Variants in CCDC88C observed in about 807,000 individuals in gnomAD.
CCDC88C encodes the protein coiled-coil and HOOK domain protein 88C.
A neutral mutation model predicts 198.8 loss-of-function variants in CCDC88C; 131 were observed. The observed-to-expected ratio is 0.66, with a 90% CI of 0.57 to 0.76. CCDC88C has a LOEUF of 0.76. CCDC88C is among the 30% of genes least tolerant of loss of function. CCDC88C has a pLI of 0.00. For synonymous variants in CCDC88C, 1,166 were observed against 1,114.7 expected, an observed-to-expected ratio of 1.05 and a Z score of -0.92; for missense variants, 2,553 against 2,631.6, an observed-to-expected ratio of 0.97 and a Z score of 0.65.
intron 3 of CCDC88C, among the ~76,000 whole-genome samples, chr14:91,366,652 C>T (rs1894557146): frequency 6.6e-6 from 1 of 152,180 alleles, no homozygotes; most frequent in Non-Finnish European, 1.5e-5. Context: ...AAAAAGCAAG[C>T]TGCACCTTCA....
chr14:91,277,964 C>T lies in CCDC88C; in HGVS notation c.5016G>A (p.Leu1672=), dbSNP rs538549863. 2 of 1,549,750 alleles carry T rather than the reference C, an allele frequency of 1.3e-6. No individual in the cohort carries two copies. The highest frequency in any genetic ancestry group is 1.8e-6 in the Non-Finnish European group (2 of 1,142,840). Residue 1672 remains leucine (L), a synonymous_variant, in exon 29 of 30, where the codon TTG becomes TTA. Transcript: ENST00000389857. ...GGTTGCTCTCCTCCAGGAACTCCTC[C>T]AAGGTGACCATCTCACTGCTGGGGG... is the stretch of plus-strand genomic sequence containing the variant. The part of the protein sequence containing the change: ...SASPSSEMVT[L]EEFLEESNRS...
intron 21 of CCDC88C, among the ~76,000 whole-genome samples, chr14:91,299,304 A>G (rs1318770409): frequency 2.0e-5 from 3 of 152,194 alleles, no homozygotes; most frequent in African/African-American, 7.2e-5. Flanking sequence ...GCACTTCAGT[A>G]CTACAATTGT....
chr14:91,338,269 G>A lies in CCDC88C; in HGVS notation c.892-106C>T. ...GTGTCTCCACGACGGCCCAGGACAA[G>A]CCAGCTCCTGGTGGCCGGGGGCCTC... On this transcript the variant is annotated intron_variant, in intron 9 of 29. Transcript: ENST00000389857. The surrounding 1 kb of genome is among the most constrained non-coding windows in gnomAD (Gnocchi z 4.8). The A allele has an allele frequency of 7.1e-7, 1 of 1,400,198 alleles. No individual in the cohort carries two copies. The highest frequency in any genetic ancestry group is 1.4e-5 in the African/African-American group (1 of 70,496). 86.7% of individuals were successfully genotyped at this position (1,400,198 alleles called of 1,614,324 possible). A position where few individuals can be genotyped will look rare whatever the true frequency, so the allele number is the denominator to read the frequency against.
intron 4 of CCDC88C, among the ~76,000 whole-genome samples, chr14:91,354,811 G>A (rs1263084582): frequency 1.3e-5 from 2 of 152,226 alleles, no homozygotes; most frequent in Non-Finnish European, 2.9e-5. Context: ...CTGCTGTCAT[G>A]AGAGCGTGCA....
rs953036718 is a variant in CCDC88C, at chr14:91,294,049, C to T, written c.4112+124G>A. 4.7e-6 allele frequency: 5 copies of T among 1,053,686 alleles called. No homozygotes were observed. The Admixed American group carries it at 5.8e-5, about 12-fold the overall frequency. The allele number at this position is 1,053,686 out of a possible 1,614,324, so 65.3% of individuals were successfully genotyped here. ...GTCCGTGCTGGTGATCGGTCTGTGC[C>T]CTGCCCTCAGGATCCCAACGGGCCC... On this transcript the variant is annotated intron_variant, in intron 23 of 29. Coordinates refer to ENST00000389857, the MANE Select transcript of CCDC88C (RefSeq NM_001080414.4).
chr14:91,299,533 G>C (rs992095574), intron 21 of CCDC88C, among the ~76,000 whole-genome samples: 6 of 152,204 alleles, frequency 3.9e-5, no homozygotes, highest in African/African-American at 1.4e-4. Flanking sequence ...ACTGGTCTTG[G>C]GGCGGCAAAT....
rs1409621336 is a variant in CCDC88C at position 91,315,718 on chromosome 14, C to T, written c.1597G>A (p.Glu533Lys). 2 of 1,613,858 alleles carry T rather than the reference C, an allele frequency of 1.2e-6. No homozygotes were observed. Among genetic ancestry groups the T allele is most frequent in the African/African-American group, 1.3e-5 (1 of 75,018 alleles). ...AGCTGCTCCTTCTCTCTGATCAGCT[C>T]CTCACTGAGGGTCTCCAGATCTTGG... ...SNQDLETLSEELIREKEQLQS... is the reference protein window; with the variant it reads ...SNQDLETLSEKLIREKEQLQS... Residue 533 changes from glutamate to lysine, a missense_variant, in exon 14 of 30, where the codon GAG becomes AAG. Glu to Lys is a moderately conservative substitution (Grantham distance 56). Around this residue, in one of 2 missense-constraint regions of CCDC88C, gnomAD observed 1,260 missense variants for 1,412.0 expected, o/e 0.89. Coordinates refer to ENST00000389857, the MANE Select transcript of CCDC88C (RefSeq NM_001080414.4).
intron 3 of CCDC88C, among the ~76,000 whole-genome samples, chr14:91,361,159 G>A (rs116030221): frequency 0.018 from 2,682 of 151,388 alleles, 79 homozygotes; most frequent in African/African-American, 0.061. Context: ...CCAATTTTAC[G>A]GAAGACAAAA....
Position 91,318,917 on chromosome 14 carries a change from C to CAAAAAAAAAAAAAAAA in CCDC88C, c.1527+2187_1527+2202dup, listed in dbSNP as rs61183857. Among the ~76,000 whole-genome samples the CAAAAAAAAAAAAAAAA allele has an allele frequency of 1.9e-5, 2 of 105,288 alleles. 1 individual carries two copies. The highest frequency in any genetic ancestry group is 3.7e-5 in the Non-Finnish European group (2 of 53,406). 69.1% of individuals were successfully genotyped at this position (105,288 alleles called of 152,430 possible). A position where few individuals can be genotyped will look rare whatever the true frequency, so the allele number is the denominator to read the frequency against. On this transcript the variant is annotated intron_variant, in intron 13 of 29. Transcript: ENST00000389857. ...CTGGACAACAGAGCGAGACTCCGTC[C>CAAAAAAAAAAAAAAAA]AAAAAAAAAAAAAAAAAAAAAGAAC...
intron 26 of CCDC88C, among the ~76,000 whole-genome samples, chr14:91,283,085 C>T (rs1357549883): frequency 6.6e-6 from 1 of 152,320 alleles, no homozygotes; most frequent in African/African-American, 2.4e-5. Context: ...TCCTGAATGC[C>T]GGTGGTGGCA....
In CCDC88C at chr14:91,338,256, C is replaced by T. The variant is rs570491915; in HGVS notation, c.892-93G>A. ...GCCCTTCTGCATGGTGTCTCCACGA[C>T]GGCCCAGGACAAGCCAGCTCCTGGT... On this transcript the variant is annotated intron_variant, in intron 9 of 29. Transcript: ENST00000389857. This position sits in a 1 kb window ranked among gnomAD's most constrained non-coding sequence, Gnocchi z 4.8. The T allele has an allele frequency of 4.5e-4, 665 of 1,472,106 alleles. 1 individual carries two copies. In the Middle Eastern group the frequency reaches 0.017, roughly 38 times the overall value. 91.2% of individuals were successfully genotyped at this position (1,472,106 alleles called of 1,614,324 possible). A position where few individuals can be genotyped will look rare whatever the true frequency, so the allele number is the denominator to read the frequency against.
At chr14:91,351,174 GC>G (rs1893769836) in intron 4 of CCDC88C, among the ~76,000 whole-genome samples, 1 of 152,174 alleles carries the variant, frequency 6.6e-6, no homozygotes, top group Non-Finnish European at 1.5e-5. Flanking sequence ...ACGTATGTGT[GC>G]TTACTTATTC....
At chr14:91,415,330 T>C (rs1886988119) in intron 2 of CCDC88C, among the ~76,000 whole-genome samples, 1 of 151,710 alleles carries the variant, frequency 6.6e-6, no homozygotes, top group African/African-American at 2.4e-5. Context: ...TGAAGACTGG[T>C]AAGATTGGTA....
chr14:91,324,655 G>GA, intron 12 of CCDC88C, 124 bp downstream of exon 12: 1 of 1,228,638 alleles, frequency 8.1e-7, no homozygotes, highest in Non-Finnish European at 1.1e-6. Context: ...GAGCTTGAAG[G>GA]AAATCATGTT....
At chr14:91,347,776 C>G (rs895430598) in intron 4 of CCDC88C, among the ~76,000 whole-genome samples, 5 of 152,272 alleles carry the variant, frequency 3.3e-5, no homozygotes, top group African/African-American at 1.2e-4. Flanking sequence ...GTCAGTGTGG[C>G]GATTCCTCAG....
intron 6 of CCDC88C, 126 bp downstream of exon 6, chr14:91,342,254 A>C: frequency 1.6e-6 from 1 of 607,134 alleles, no homozygotes; most frequent in Non-Finnish European, 3.0e-6. Context: ...TCTGAAACCT[A>C]AGATTAGCAA....
chr14:91,380,308 A>G (rs1884711476), intron 3 of CCDC88C, among the ~76,000 whole-genome samples: 1 of 152,204 alleles, frequency 6.6e-6, no homozygotes, highest in Non-Finnish European at 1.5e-5. Context: ...TTCAGCTAGG[A>G]GGCGGCAGCA....
At chr14:91,364,556 C>CCACCTCTCAA (rs2039563974) in intron 3 of CCDC88C, among the ~76,000 whole-genome samples, 1 of 152,086 alleles carries the variant, frequency 6.6e-6, no homozygotes, top group Non-Finnish European at 1.5e-5. Context: ...GAGGGCCCAC[C>CCACCTCTCAA]CACCTGACAA....
intron 2 of CCDC88C, among the ~76,000 whole-genome samples, chr14:91,415,364 AG>A (rs1211587577): frequency 3.6e-5 from 5 of 139,206 alleles, no homozygotes; most frequent in African/African-American, 8.4e-5. Context: ...CTACACCCAC[AG>A]CTGTGAACTT....
Sources: allele counts gnomAD v4.1 joint callset (sites outside exome capture counted in the v4.1 genomes callset), GRCh38; gene constraint gnomAD v4.1.1; regional missense constraint gnomAD v4.1.1; non-coding constraint Gnocchi (gnomAD v3.1); transcripts MANE v1.5; gene names NCBI Gene and HGNC (gene_info 2026-07-23, HGNC 2026-07-21).